The following ASCC1 variants were observed in gnomAD, a reference collection of about 807,000 sequenced individuals.
ASCC1 encodes the protein ASC-1 complex subunit P50.
In ASCC1, 35 loss-of-function variants were observed where a neutral mutation model predicts 46.6. The observed-to-expected ratio is 0.75, with a 90% CI of 0.57 to 0.99. ASCC1 has a LOEUF of 0.99. Ranked by LOEUF, ASCC1 falls within the 50% of genes least tolerant of loss-of-function variation. ASCC1 has a pLI of 0.00. For synonymous variants in ASCC1, 143 were observed against 146.6 expected (o/e 0.98, Z 0.18); for missense variants, 376 against 428.7 (o/e 0.88, Z 1.09).
intron 5 of ASCC1, among the ~76,000 whole-genome samples, chr10:72,164,037 G>A (rs551009872): frequency 4.5e-4 from 69 of 151,816 alleles, no homozygotes; most frequent in East Asian, 1.2e-3. Context: ...ATCTTGGCTC[G>A]CTACAACTTT....
At position 72,108,076 on chromosome 10, in the gene ASCC1, CT is replaced by C. The variant is rs375287948; in HGVS notation, c.958-10627del. On this transcript the variant is annotated intron_variant, in intron 9 of 9. Transcript: ENST00000672957. ...ATACTTTCTTTTTCTTTTTCTTTTT[CT>C]TTTTTTTTTTTTTTTTTGAAACAAG... Among the ~76,000 whole-genome samples the C allele has an allele frequency of 3.0e-3, 385 of 128,314 alleles. 1 individual carries two copies. Among genetic ancestry groups the C allele is most frequent in the Non-Finnish European group, 3.6e-3 (217 of 59,826 alleles). The allele number at this position is 128,314 out of a possible 152,430, so 84.2% of individuals were successfully genotyped here. A position where few individuals can be genotyped will look rare whatever the true frequency, so the allele number is the denominator to read the frequency against.
chr10:72,148,033 T>C (rs1319096986), intron 7 of ASCC1, among the ~76,000 whole-genome samples: 2 of 152,194 alleles, frequency 1.3e-5, no homozygotes, highest in African/African-American at 4.8e-5. Flanking sequence ...GCAAAAGCAA[T>C]AGTAGGTAAA....
Position 72,196,490 on chromosome 10 carries a change from C to G in ASCC1, c.489+321G>C, listed in dbSNP as rs541036580. Among the ~76,000 whole-genome samples, 465 of 152,122 alleles carry G rather than the reference C, an allele frequency of 3.1e-3. 1 individual carries two copies. Among genetic ancestry groups the G allele is most frequent in the Non-Finnish European group, 5.2e-3 (353 of 67,998 alleles). On this transcript the variant is annotated intron_variant, in intron 5 of 9. Transcript: ENST00000672957. ...AGAGACGGGGTTTCACCATGTTGCC[C>G]AGGCTGGTCTTGAACGCCTGACCTC...
In ASCC1 at chr10:72,161,661, T is replaced by C. The variant is rs1305205637; in HGVS notation, c.503A>G (p.Asp168Gly). 1 of 1,614,126 alleles carries C rather than the reference T, an allele frequency of 6.2e-7. No homozygotes were observed. Among genetic ancestry groups the C allele is most frequent in the Non-Finnish European group, 8.5e-7 (1 of 1,180,028 alleles). ...TTTAGGATTCTGGAAAATGCTGCTGTCAACCCCATGATCCTGTTATCAAAG... is the reference window on the plus strand; with the variant it reads ...TTTAGGATTCTGGAAAATGCTGCTGCCAACCCCATGATCCTGTTATCAAAG... ...LAKCSMDHGVDSSIFQNPKKL... is the reference protein window; with the variant it reads ...LAKCSMDHGVGSSIFQNPKKL... Residue 168 changes from aspartate (D) to glycine (G), a missense_variant, in exon 6 of 10, where the codon GAC becomes GGC. By Grantham distance (94) the Asp-to-Gly change is moderately conservative (BLOSUM62 -1). Coordinates refer to ENST00000672957, the MANE Select transcript of ASCC1 (RefSeq NM_001198800.3).
At chr10:72,107,773 T>A (rs746422035) in intron 9 of ASCC1, among the ~76,000 whole-genome samples, 1 of 152,246 alleles carries the variant, frequency 6.6e-6, no homozygotes, top group South Asian at 2.1e-4. Flanking sequence ...TCTAAGCTGT[T>A]GGAATCTTAA....
chr10:72,194,909 A>G (rs1239938223), intron 5 of ASCC1, among the ~76,000 whole-genome samples: 1 of 151,604 alleles, frequency 6.6e-6, no homozygotes, highest in African/African-American at 2.4e-5. Flanking sequence ...GGCCCGGATA[A>G]TTTTGTATTT....
intron 4 of ASCC1, among the ~76,000 whole-genome samples, chr10:72,203,116 G>A (rs543686725): frequency 2.0e-5 from 3 of 151,882 alleles, no homozygotes; most frequent in Admixed American, 6.6e-5. Flanking sequence ...GAGAAACCCC[G>A]CCTCCACTAA....
chr10:72,136,649 TC>T (rs1564629586), intron 7 of ASCC1, among the ~76,000 whole-genome samples: 1 of 152,048 alleles, frequency 6.6e-6, no homozygotes, highest in South Asian at 2.1e-4. Flanking sequence ...CCCACTTGGG[TC>T]CCCCTTCCAT....
At chr10:72,156,520 C>T (rs1848982939) in intron 6 of ASCC1, among the ~76,000 whole-genome samples, 1 of 152,052 alleles carries the variant, frequency 6.6e-6, no homozygotes, top group Non-Finnish European at 1.5e-5. Context: ...CCCAGAACTT[C>T]GGGAGGCTAA....
At chr10:72,178,417 T>G (rs1852136745) in intron 5 of ASCC1, among the ~76,000 whole-genome samples, 1 of 152,166 alleles carries the variant, frequency 6.6e-6, no homozygotes, top group African/African-American at 2.4e-5. Flanking sequence ...CATGAGCTGT[T>G]TAAAAAGCAG....
chr10:72,200,417 G>A (rs1174639218), intron 4 of ASCC1, among the ~76,000 whole-genome samples: 2 of 152,086 alleles, frequency 1.3e-5, no homozygotes, highest in African/African-American at 4.8e-5. Flanking sequence ...TTGGGAGGCT[G>A]AGGCTGGCTG....
chr10:72,170,553 C>T (rs916079801), intron 5 of ASCC1, among the ~76,000 whole-genome samples: 1 of 146,984 alleles, frequency 6.8e-6, no homozygotes, highest in Non-Finnish European at 1.5e-5. Flanking sequence ...CTCACAGCAC[C>T]GCACTACACC....
chr10:72,128,023 T>G, intron 9 of ASCC1, 59 bp downstream of exon 9: 1 of 1,299,470 alleles, frequency 7.7e-7, no homozygotes, highest in South Asian at 1.2e-5. Flanking sequence ...CTACTTGTTT[T>G]CCTGCCTTAT....
intron 4 of ASCC1, chr10:72,198,785 T>C: frequency 4.7e-6 from 2 of 422,438 alleles, no homozygotes; most frequent in South Asian, 3.5e-5. Flanking sequence ...GGTTTTTCTA[T>C]ATACTTTACT....
intron 5 of ASCC1, among the ~76,000 whole-genome samples, chr10:72,162,713 C>T (rs1589414876): frequency 6.6e-6 from 1 of 152,046 alleles, no homozygotes; most frequent in African/African-American, 2.4e-5. Context: ...GAGGCTGAGG[C>T]GGGTGGATCA....
At chr10:72,159,903 CTTTTTTTT>C (rs900754769) in intron 6 of ASCC1, among the ~76,000 whole-genome samples, 3 of 129,940 alleles carry the variant, frequency 2.3e-5, no homozygotes, top group Non-Finnish European at 3.3e-5. Flanking sequence ...TACACAGTTT[CTTTTTTTT>C]TTTTTTTTTT....
chr10:72,102,206 GTGA>G (rs1841849121), intron 9 of ASCC1: 2 of 754,150 alleles, frequency 2.7e-6, no homozygotes, highest in Non-Finnish European at 2.3e-6. Context: ...GGAAAAATCA[GTGA>G]TGATGGGTCC....
intron 9 of ASCC1, among the ~76,000 whole-genome samples, chr10:72,100,733 T>A (rs938767388): frequency 3.3e-5 from 5 of 152,066 alleles, no homozygotes; most frequent in African/African-American, 1.2e-4. Flanking sequence ...CTATCAATTA[T>A]TTCTAATGAC....
At chr10:72,154,829 T>C (rs574072023) in intron 6 of ASCC1, among the ~76,000 whole-genome samples, 3 of 152,240 alleles carry the variant, frequency 2.0e-5, no homozygotes, top group Admixed American at 2.0e-4. Context: ...AAGTTTTGTT[T>C]TGAGTACCAA....
Sources: allele counts gnomAD v4.1 joint callset (sites outside exome capture counted in the v4.1 genomes callset), GRCh38; gene constraint gnomAD v4.1.1; transcripts MANE v1.5; gene names NCBI Gene and HGNC (gene_info 2026-07-23, HGNC 2026-07-21).